Variants in TRPM4 observed in about 807,000 individuals in gnomAD.
TRPM4 encodes the protein calcium-activated non-selective cation channel 1.
In TRPM4, 124 loss-of-function variants were observed where a neutral mutation model predicts 135.6. The ratio of observed to expected loss-of-function variants is 0.91; its 90% CI spans 0.79 to 1.06. The LOEUF (loss-of-function observed/expected upper bound fraction) is 1.06, where lower values mean the gene tolerates loss of function less well. Among genes scored for constraint, TRPM4 ranks in the 50% least tolerant of loss-of-function variants. The pLI, the probability that TRPM4 is intolerant of heterozygous loss-of-function variation, is 0.00. For synonymous variants in TRPM4, 745 were observed against 705.6 expected, an observed-to-expected ratio of 1.06 and a Z score of -0.88; for missense variants, 1,658 against 1,671.4, an observed-to-expected ratio of 0.99 and a Z score of 0.14.
chr19:49,186,670 G>C (rs892850573), intron 12 of TRPM4, among the ~76,000 whole-genome samples: 5 of 151,986 alleles, frequency 3.3e-5, no homozygotes, highest in African/African-American at 1.2e-4. Context: ...TCAGGAGTTC[G>C]AGACCAGCCT....
chr19:49,175,907 G>T (rs556692771), intron 9 of TRPM4, among the ~76,000 whole-genome samples: 4 of 143,274 alleles, frequency 2.8e-5, no homozygotes, highest in Admixed American at 7.2e-5. Flanking sequence ...GATTACAGGC[G>T]TGAGCCACGG....
At chr19:49,182,078 ATCCATCCATCCATCTG>A (rs1388253408) in intron 10 of TRPM4, among the ~76,000 whole-genome samples, 15 of 124,858 alleles carry the variant, frequency 1.2e-4, no homozygotes, top group African/African-American at 4.7e-4. Flanking sequence ...CCATCCATCC[ATCCATCCATCCATCTG>A]TCCATCCATC....
At chr19:49,163,911 C>T (rs1967064568) in intron 2 of TRPM4, among the ~76,000 whole-genome samples, 1 of 152,190 alleles carries the variant, frequency 6.6e-6, no homozygotes, top group African/African-American at 2.4e-5. Context: ...TAAACTGAGG[C>T]ATGCCAGGGC....
At position 49,196,654 on chromosome 19, in the gene TRPM4, C is replaced by T. The variant is rs929610118; in HGVS notation, c.2425C>T (p.Pro809Ser). 1.0e-5 allele frequency: 16 copies of T among 1,546,342 alleles called. No homozygotes were observed. The highest frequency in any genetic ancestry group is 5.5e-5 in the African/African-American group (4 of 73,380). The change falls in exon 17 of 25, where the codon CCG becomes TCG. Residue 809 changes from proline to serine, a missense_variant. Around this residue, in one of 3 missense-constraint regions of TRPM4, gnomAD observed 1,412 missense variants for 1,408.7 expected, o/e 1.00. Transcript: ENST00000252826. ...GCTGCTCGTGGATTTCCAGCCGGCGCCGCCCGGCTCCCTGGAGCTGCTGCT... is the reference window on the plus strand; with the variant it reads ...GCTGCTCGTGGATTTCCAGCCGGCGTCGCCCGGCTCCCTGGAGCTGCTGCT... ...RVLLVDFQPAPPGSLELLLYF... is the reference protein window; with the variant it reads ...RVLLVDFQPASPGSLELLLYF...
chr19:49,181,516 T>C (rs2122915754), intron 10 of TRPM4, 55 bp downstream of exon 10: 5 of 907,734 alleles, frequency 5.5e-6, no homozygotes, highest in Non-Finnish European at 8.6e-6. Context: ...TGTGCTGTCC[T>C]CCCTCTCTGC....
intron 11 of TRPM4, 59 bp from the exon 12 acceptor site, chr19:49,183,019 C>A (rs1167819443): frequency 6.2e-7 from 1 of 1,603,818 alleles, no homozygotes. Flanking sequence ...AGAGGCAGGG[C>A]TGGTGGTGGC....
rs370828893 is a variant in TRPM4, at chr19:49,194,974, C to G, written c.2211-1466C>G. ...ATGGGGTTTCACCATGTTGCCCAGG[C>G]TGGTGTTGAACTCCTGGGCTCAAGC... On this transcript the variant is annotated intron_variant, in intron 16 of 24. Coordinates refer to ENST00000252826, the MANE Select transcript of TRPM4 (RefSeq NM_017636.4). 1.5e-4 allele frequency among the ~76,000 whole-genome samples: 22 copies of G among 150,346 alleles called. 1 individual carries two copies. Among genetic ancestry groups the G allele is most frequent in the Admixed American group, 1.2e-3 (18 of 15,004 alleles).
chr19:49,186,434 C>T (rs145324482), intron 12 of TRPM4, among the ~76,000 whole-genome samples: 1 of 152,206 alleles, frequency 6.6e-6, no homozygotes, highest in South Asian at 2.1e-4. Flanking sequence ...TTTCCTGGTA[C>T]ACAAGGAAGA....
chr19:49,168,860 G>A (rs2122812844), intron 6 of TRPM4, 124 bp downstream of exon 6: 13 of 1,081,282 alleles, frequency 1.2e-5, no homozygotes, highest in Non-Finnish European at 1.5e-5. Context: ...GTCTTTCCCC[G>A]TCATTATTCA....
intron 2 of TRPM4, chr19:49,159,493 GT>G: frequency 6.7e-6 from 1 of 148,752 alleles, no homozygotes; most frequent in Non-Finnish European, 1.5e-5. Flanking sequence ...TTTGTTTTTT[GT>G]TTTTTTGAGA....
intron 2 of TRPM4, among the ~76,000 whole-genome samples, chr19:49,165,835 C>T (rs995563986): frequency 4.6e-5 from 7 of 152,188 alleles, no homozygotes; most frequent in African/African-American, 1.7e-4. Context: ...TCACTGGCTT[C>T]CTTCCCGTGG....
At chr19:49,207,937 T>G (rs1969209893) in intron 20 of TRPM4, among the ~76,000 whole-genome samples, 2 of 151,870 alleles carry the variant, frequency 1.3e-5, no homozygotes, top group Non-Finnish European at 2.9e-5. Flanking sequence ...GCGCTGTTAT[T>G]TATTGGATAC....
rs1193110851 is a variant in TRPM4 at position 49,210,355 on chromosome 19, G to C, written c.3278G>C (p.Cys1093Ser). 2 of 1,614,168 alleles carry C rather than the reference G, an allele frequency of 1.2e-6. No individual in the cohort carries two copies. Among genetic ancestry groups the C allele is most frequent in the Admixed American group, 3.3e-5 (2 of 60,020 alleles). The change falls in exon 21 of 25, where the codon TGC becomes TCC. Residue 1093 changes from cysteine (C) to serine (S), a missense_variant. Around this residue, in one of 3 missense-constraint regions of TRPM4, gnomAD observed 1,412 missense variants for 1,408.7 expected, o/e 1.00. Transcript: ENST00000252826. This position sits in a 1 kb window ranked among gnomAD's most constrained non-coding sequence, Gnocchi z 4.1. ...TTGCGCCTCCTGCTCAGGCAATTGTGCAGGCGACCCCGGAGCCCCCAGCCG... is the reference window on the plus strand; with the variant it reads ...TTGCGCCTCCTGCTCAGGCAATTGTCCAGGCGACCCCGGAGCCCCCAGCCG... ...SHLRLLLRQL[C>S]RRPRSPQPSS...
intron 20 of TRPM4, among the ~76,000 whole-genome samples, chr19:49,204,260 T>C (rs8103409): frequency 1.2e-4 from 19 of 152,176 alleles, no homozygotes; most frequent in Non-Finnish European, 2.8e-4. Context: ...TTTATTTCCT[T>C]TGGGTGTGTA....
Position 49,211,636 on chromosome 19 carries a change from AC to A in TRPM4, c.*140del. The A allele has an allele frequency of 8.9e-7, 1 of 1,124,916 alleles. No individual in the cohort carries two copies. Among genetic ancestry groups the A allele is most frequent in the Non-Finnish European group, 1.3e-6 (1 of 745,150 alleles). The allele number at this position is 1,124,916 out of a possible 1,614,324, so 69.7% of individuals were successfully genotyped here. ...CATGTCCATCTGGGCCACTGTCAGG[AC>A]CACCTTTGGGAGTGTCATCCTTACA... is the stretch of plus-strand genomic sequence containing the variant. On this transcript the variant is annotated 3_prime_UTR_variant, in exon 25 of 25. Transcript: ENST00000252826. This position sits in a 1 kb window ranked among gnomAD's most constrained non-coding sequence, Gnocchi z 4.8.
Position 49,200,599 on chromosome 19 carries a change from A to C in TRPM4, c.2779-12A>C. 8 of 1,611,548 alleles carry C rather than the reference A, an allele frequency of 5.0e-6. No homozygotes were observed. The highest frequency in any genetic ancestry group is 6.8e-6 in the Non-Finnish European group (8 of 1,179,986). ...AAAGGGCGGGGCCAGACTCAGCCACATCTCCCCACAGATGAAGGACGTGTT... is the reference window on the plus strand; with the variant it reads ...AAAGGGCGGGGCCAGACTCAGCCACCTCTCCCCACAGATGAAGGACGTGTT... On this transcript the variant is annotated splice_polypyrimidine_tract_variant and intron_variant, in intron 18 of 24. Coordinates refer to ENST00000252826, the MANE Select transcript of TRPM4 (RefSeq NM_017636.4).
At chr19:49,158,119 C>G (rs1226690621) in intron 1 of TRPM4, 73 bp from the exon 2 acceptor site, 2 of 1,475,396 alleles carry the variant, frequency 1.4e-6, no homozygotes, top group African/African-American at 2.8e-5. Flanking sequence ...GGGTGGGTGG[C>G]TCTGTGTCCC....
intron 9 of TRPM4, among the ~76,000 whole-genome samples, chr19:49,175,928 CT>C (rs34213157): frequency 0.25 from 27,362 of 109,100 alleles, 3,136 homozygotes; most frequent in Middle Eastern, 0.37. Context: ...CGCCCGGCCT[CT>C]TTTTTTTTTT....
At chr19:49,177,122 C>T (rs569646286) in intron 9 of TRPM4, among the ~76,000 whole-genome samples, 1 of 152,184 alleles carries the variant, frequency 6.6e-6, no homozygotes, top group South Asian at 2.1e-4. Context: ...AAATCTGATT[C>T]ACTCTGCGGA....
Sources: gnomAD v4.1 joint callset for allele counts (sites outside exome capture counted in the v4.1 genomes callset) on GRCh38, gnomAD v4.1.1 for gene constraint, gnomAD v4.1.1 regional missense constraint, Gnocchi (gnomAD v3.1) non-coding constraint, MANE v1.5 for transcripts, NCBI Gene and HGNC (gene_info 2026-07-23, HGNC 2026-07-21) for gene names.